The following NBPF11 variants were observed in gnomAD, a reference collection of about 807,000 sequenced individuals.
The protein encoded by NBPF11 is NBPF member 11.
NBPF11 carries 72 observed loss-of-function variants against 93.9 expected under a neutral mutation model. The ratio of observed to expected loss-of-function variants is 0.77; its 90% CI spans 0.63 to 0.93. The LOEUF is 0.93. Among genes scored for constraint, NBPF11 ranks in the 40% least tolerant of loss-of-function variants. The pLI, the probability that NBPF11 is intolerant of heterozygous loss-of-function variation, is 0.00. For missense variants in NBPF11, 705 were observed against 802.2 expected (o/e 0.88, Z 1.46); for synonymous variants, 224 against 304.9 (o/e 0.73, Z 2.76).
chr1:148,140,795 A>G (rs1672044669), intron 2 of NBPF11, among the ~76,000 whole-genome samples: 1 of 151,674 alleles, frequency 6.6e-6, no homozygotes, highest in Non-Finnish European at 1.5e-5. Flanking sequence ...CTCCATAGCT[A>G]GTGGAAATCA....
intron 5 of NBPF11, among the ~76,000 whole-genome samples, chr1:148,126,550 C>T (rs1669159534): frequency 6.6e-6 from 1 of 151,948 alleles, no homozygotes; most frequent in South Asian, 2.1e-4. Context: ...AGAGAGGATT[C>T]TTGAAAACAT....
Position 148,102,582 on chromosome 1 carries a change from CAAAA to C in NBPF11, c.*1310_*1313del. 2 of 151,186 alleles carry C rather than the reference CAAAA, an allele frequency of 1.3e-5. No individual in the cohort carries two copies. The highest frequency in any genetic ancestry group is 4.9e-5 in the African/African-American group (2 of 40,576). 9.4% of individuals were successfully genotyped at this position (151,186 alleles called of 1,614,324 possible). A position where few individuals can be genotyped will look rare whatever the true frequency, so the allele number is the denominator to read the frequency against. Reference sequence around the variant, plus strand: ...AGCATTGTCTCTGCAGTGTTCCCGTCAAAAAGTTTAGGCTGAATTTAATTATGAA... The same window carrying C: ...AGCATTGTCTCTGCAGTGTTCCCGTCAGTTTAGGCTGAATTTAATTATGAA... On this transcript the variant is annotated 3_prime_UTR_variant, in exon 24 of 24. Transcript: ENST00000682118.
intron 12 of NBPF11, among the ~76,000 whole-genome samples, chr1:148,116,846 A>T (rs1303224839): frequency 6.6e-6 from 1 of 152,022 alleles, no homozygotes; most frequent in Non-Finnish European, 1.5e-5. Flanking sequence ...GCCAGATCTG[A>T]TTCCCAGGCA....
In NBPF11 at chr1:148,103,816, A is replaced by C; in HGVS notation, c.*80T>G. 1 of 1,611,818 alleles carries C rather than the reference A, an allele frequency of 6.2e-7. No individual in the cohort carries two copies. ...CACTTCTGTAGTGCTGGAATGAGTC[A>C]GGTAGTTCAAAGTACATTGATGGAG... On this transcript the variant is annotated 3_prime_UTR_variant, in exon 24 of 24. Coordinates refer to ENST00000682118, the MANE Select transcript of NBPF11 (RefSeq NM_001385469.3).
chr1:148,126,225 T>C (rs1228079917), intron 5 of NBPF11, among the ~76,000 whole-genome samples: 1 of 151,946 alleles, frequency 6.6e-6, no homozygotes, highest in African/African-American at 2.4e-5. Flanking sequence ...AGTCTCAAAC[T>C]GCTGACCTCG....
intron 4 of NBPF11, among the ~76,000 whole-genome samples, chr1:148,132,142 GTGTATATA>G (rs1366678696): frequency 4.1e-3 from 583 of 142,054 alleles, no homozygotes; most frequent in African/African-American, 0.015. Flanking sequence ...ATGTGTGTGT[GTGTATATA>G]TATATATATA....
Position 148,122,833 on chromosome 1 carries a change from C to T in NBPF11, c.494-32G>A, listed in dbSNP as rs61812010. 71 of 1,608,620 alleles carry T rather than the reference C, an allele frequency of 4.4e-5. No individual in the cohort carries two copies. In the East Asian group the frequency reaches 1.4e-3, roughly 31 times the overall value. ...ATACAAAATGTTCGTTCAGATATTT[C>T]CCACTTCACATTCTGCAAGCACAGT... On this transcript the variant is annotated intron_variant, in intron 7 of 23. Transcript: ENST00000682118.
In NBPF11 at chr1:148,115,162, C is replaced by CGCAAAAAAAA. The variant is rs1666177688; in HGVS notation, c.1585+630_1585+631insTTTTTTTTGC. On this transcript the variant is annotated intron_variant, in intron 14 of 23. Transcript: ENST00000682118. ...CCTAGGTGACAGAGCAGGACTCCAT[C>CGCAAAAAAAA]ACAAAAAAAAAAAAAAAAAAAAAAA... Among the ~76,000 whole-genome samples the CGCAAAAAAAA allele has an allele frequency of 3.3e-4, 5 of 15,178 alleles. 1 individual carries two copies. The highest frequency in any genetic ancestry group is 8.5e-3 in the East Asian group (2 of 236). The allele number at this position is 15,178 out of a possible 152,430, so 10.0% of individuals were successfully genotyped here.
chr1:148,118,042 C>T (rs1342769691), intron 11 of NBPF11, among the ~76,000 whole-genome samples: 3 of 151,766 alleles, frequency 2.0e-5, no homozygotes, highest in African/African-American at 4.9e-5. Flanking sequence ...AAGTAGGTGT[C>T]TTCCTAATTC....
intron 5 of NBPF11, among the ~76,000 whole-genome samples, chr1:148,125,982 T>G (rs1449025009): frequency 3.3e-5 from 5 of 151,918 alleles, no homozygotes; most frequent in African/African-American, 9.7e-5. Flanking sequence ...CTTTTTATTT[T>G]TATTTTTGAT....
chr1:148,143,387 C>T lies in NBPF11; in HGVS notation c.-277+28G>A, dbSNP rs1337917285. ...TAGAAAGAGGACTCTCTGACCCCAT[C>T]GAGCTGGCAATGCCTCAGGATTTTT... On this transcript the variant is annotated intron_variant, in intron 2 of 23. Transcript: ENST00000682118. 9.9e-4 allele frequency: 766 copies of T among 775,070 alleles called. 4 individuals are homozygous for T. Among genetic ancestry groups the T allele is most frequent in the Middle Eastern group, 2.8e-3 (5 of 1,796 alleles). 48.0% of individuals were successfully genotyped at this position (775,070 alleles called of 1,614,324 possible). A position where few individuals can be genotyped will look rare whatever the true frequency, so the allele number is the denominator to read the frequency against.
chr1:148,121,922 G>C (rs1667964196), intron 9 of NBPF11, 133 bp downstream of exon 9: 17 of 797,724 alleles, frequency 2.1e-5, no homozygotes, highest in Non-Finnish European at 3.8e-5. Flanking sequence ...GATTATATGT[G>C]TGAGTCACAG....
Position 148,146,940 on chromosome 1 carries a change from G to C in NBPF11, c.-548-3254C>G, listed in dbSNP as rs1164520488. The C allele has an allele frequency of 5.7e-6, 9 of 1,590,394 alleles. No homozygotes were observed. The African/African-American group carries it at 1.2e-4, about 21-fold the overall frequency. ...GCACCAGGTGAGGGCGACCCTGGGG[G>C]CAGCTCAGCCTGGGCACACCCAAGA... On this transcript the variant is annotated intron_variant, in intron 1 of 23. Transcript: ENST00000682118.
At chr1:148,149,637 C>G (rs1647774666) in intron 1 of NBPF11, 1 of 1,390,850 alleles carries the variant, frequency 7.2e-7, no homozygotes, top group Admixed American at 2.1e-5. Flanking sequence ...GGCCCCCACC[C>G]AGGGGCTGCA....
rs1412095197 is a variant in NBPF11, at chr1:148,126,082, C to T, written c.175+747G>A. On this transcript the variant is annotated intron_variant, in intron 5 of 23. Coordinates refer to ENST00000682118, the MANE Select transcript of NBPF11 (RefSeq NM_001385469.3). Reference sequence around the variant, plus strand: ...ATAGTGCAATCTTGACTCACTGCAACATCTGCCTGCTGGGTTCAAAGGATT... The same window carrying T: ...ATAGTGCAATCTTGACTCACTGCAATATCTGCCTGCTGGGTTCAAAGGATT... Among the ~76,000 whole-genome samples the T allele has an allele frequency of 2.0e-5, 3 of 151,970 alleles. No homozygotes were observed. The East Asian group carries it at 5.8e-4, about 29-fold the overall frequency.
At chr1:148,106,646 T>C (rs1315359496) in intron 20 of NBPF11, among the ~76,000 whole-genome samples, 1 of 145,072 alleles carries the variant, frequency 6.9e-6, no homozygotes, top group African/African-American at 2.7e-5. Context: ...TACAAACCCT[T>C]GAGTCCAAAT....
At chr1:148,146,344 G>A (rs1196852115) in intron 1 of NBPF11, 18 of 1,446,538 alleles carry the variant, frequency 1.2e-5, no homozygotes, top group South Asian at 2.8e-5. Context: ...CAGGCCGGGC[G>A]GCGTTGTTGG....
At chr1:148,146,852 G>C in intron 1 of NBPF11, 1 of 1,613,796 alleles carries the variant, frequency 6.2e-7, no homozygotes, top group Non-Finnish European at 8.5e-7. Flanking sequence ...TACGGTGCCA[G>C]CTCGGGCAGG....
At chr1:148,149,768 G>A (rs1647816933) in intron 1 of NBPF11, among the ~76,000 whole-genome samples, 1 of 148,060 alleles carries the variant, frequency 6.8e-6, no homozygotes, top group Non-Finnish European at 1.5e-5. Context: ...ACGTGAAAAC[G>A]GAAATTAAAG....
Sources: allele counts gnomAD v4.1 joint callset (sites outside exome capture counted in the v4.1 genomes callset), GRCh38; gene constraint gnomAD v4.1.1; transcripts MANE v1.5; gene names NCBI Gene and HGNC (gene_info 2026-07-23, HGNC 2026-07-21).